The following CDH2 variants were observed in gnomAD, a reference collection of about 807,000 sequenced individuals.
CDH2 encodes the protein cadherin 2.
In CDH2, 17 loss-of-function variants were observed where a neutral mutation model predicts 92.0. The observed-to-expected ratio is 0.18, with a 90% CI of 0.13 to 0.28. CDH2 has a LOEUF of 0.28. Ranked by LOEUF, CDH2 falls within the 10% of genes least tolerant of loss-of-function variation. CDH2 has a pLI of 1.00. For missense variants in CDH2, 862 were observed against 1,133.1 expected (o/e 0.76, Z 3.44); for synonymous variants, 419 against 415.9 (o/e 1.01, Z -0.09).
chr18:28,175,721 T>A, intron 1 of CDH2, among the ~76,000 whole-genome samples: 1 of 152,110 alleles, frequency 6.6e-6, no homozygotes, highest in Admixed American at 6.5e-5. Flanking sequence ...AGCAGGCACT[T>A]CCGAGCTGCG....
chr18:27,969,244 T>A (rs2143907384), intron 14 of CDH2, among the ~76,000 whole-genome samples: 1 of 152,298 alleles, frequency 6.6e-6, no homozygotes, highest in African/African-American at 2.4e-5. Context: ...GGACTTTCAG[T>A]ATACAGATGA....
At chr18:28,086,624 A>T (rs2014933206) in intron 2 of CDH2, among the ~76,000 whole-genome samples, 1 of 152,156 alleles carries the variant, frequency 6.6e-6, no homozygotes, top group Non-Finnish European at 1.5e-5. Flanking sequence ...ATGAATCTGG[A>T]CAATTACAAA....
chr18:28,176,839 G>T (rs529519205), intron 1 of CDH2, 124 bp downstream of exon 1: 31 of 360,738 alleles, frequency 8.6e-5, no homozygotes, highest in Non-Finnish European at 1.2e-4. Flanking sequence ...GCGCGGCGCG[G>T]CGCGGCGTGG....
In CDH2 at chr18:28,035,547, GTTTAAC is replaced by G. The variant is rs1356684452; in HGVS notation, c.173-21644_173-21639del. On this transcript the variant is annotated intron_variant, in intron 2 of 15. Coordinates refer to ENST00000269141, the MANE Select transcript of CDH2 (RefSeq NM_001792.5). ...TTTAAGGATGACTCATATTCATCTT[GTTTAAC>G]TTTATTTTTAGGAAAATTTACTAAG... 2.0e-5 allele frequency among the ~76,000 whole-genome samples: 3 copies of G among 152,064 alleles called. No individual in the cohort carries two copies. In the East Asian group the frequency reaches 5.8e-4, roughly 29 times the overall value.
intron 9 of CDH2, among the ~76,000 whole-genome samples, chr18:27,991,381 T>C (rs2012410206): frequency 6.6e-6 from 1 of 152,152 alleles, no homozygotes. Context: ...ACACATCTTT[T>C]TTTCTCTCTA....
intron 2 of CDH2, among the ~76,000 whole-genome samples, chr18:28,057,408 G>A (rs1454411363): frequency 6.6e-6 from 1 of 152,194 alleles, no homozygotes; most frequent in East Asian, 1.9e-4. Flanking sequence ...GCTCACGCCT[G>A]TAATCCCAAC....
At chr18:28,110,964 G>A (rs1000768184) in intron 2 of CDH2, among the ~76,000 whole-genome samples, 1 of 152,080 alleles carries the variant, frequency 6.6e-6, no homozygotes, top group African/African-American at 2.4e-5. Context: ...GCTAAATGAG[G>A]TTAGCATGAG....
Position 28,090,822 on chromosome 18 carries a change from T to C in CDH2, c.172+56851A>G, listed in dbSNP as rs376982750. On this transcript the variant is annotated intron_variant, in intron 2 of 15. Coordinates refer to ENST00000269141, the MANE Select transcript of CDH2 (RefSeq NM_001792.5). ...CCAGAAGCCAGTATAATATTTCTAA[T>C]ACAACATGTATCTTACTGGTTTGGG... Among the ~76,000 whole-genome samples, 23 of 152,360 alleles carry C rather than the reference T, an allele frequency of 1.5e-4. No individual in the cohort carries two copies. The East Asian group carries it at 1.5e-3, about 10-fold the overall frequency.
intron 6 of CDH2, among the ~76,000 whole-genome samples, chr18:27,944,754 T>TA (rs869217652): frequency 0.54 from 44,723 of 83,250 alleles, 10,738 homozygotes; most frequent in Middle Eastern, 0.65. Context: ...ACTTCCTTTC[T>TA]AAAAAAAAAA....
At chr18:28,166,149 C>CATATATATATATATATAAATATATAT (rs1555648243) in intron 1 of CDH2, among the ~76,000 whole-genome samples, 4 of 59,292 alleles carry the variant, frequency 6.7e-5, no homozygotes, top group African/African-American at 3.0e-4. Flanking sequence ...CAGACACACT[C>CATATATATATATATATAAATATATAT]ATATATATAT....
At chr18:28,123,137 A>C (rs1277948680) in intron 2 of CDH2, among the ~76,000 whole-genome samples, 1 of 152,164 alleles carries the variant, frequency 6.6e-6, no homozygotes, top group African/African-American at 2.4e-5. Flanking sequence ...ATACTACTCC[A>C]AATATATAAA....
At position 28,011,972 on chromosome 18, in the gene CDH2, T is replaced by C. The variant is rs1490510931; in HGVS notation, c.420A>G (p.Glu140=). 3 of 1,613,818 alleles carry C rather than the reference T, an allele frequency of 1.9e-6. No individual in the cohort carries two copies. Among genetic ancestry groups the C allele is most frequent in the African/African-American group, 1.3e-5 (1 of 75,016 alleles). ...TACTGAATTGTCTTGGGAACACTAT[T>C]TCTTCAACTTCTGCTGACTCCTTTA... ...ESVKESAEVE[E]IVFPRQFSKH... The change falls in exon 4 of 16, where the codon GAA becomes GAG. Residue 140 remains glutamate (E), a synonymous_variant. Transcript: ENST00000269141.
intron 2 of CDH2, among the ~76,000 whole-genome samples, chr18:28,046,815 C>T (rs887060330): frequency 6.6e-6 from 1 of 152,086 alleles, no homozygotes; most frequent in Non-Finnish European, 1.5e-5. Flanking sequence ...TTGCTCTGAG[C>T]AAAAACATAA....
At chr18:27,994,140 T>G (rs536594794) in intron 7 of CDH2, among the ~76,000 whole-genome samples, 1 of 152,334 alleles carries the variant, frequency 6.6e-6, no homozygotes, top group African/African-American at 2.4e-5. Flanking sequence ...AGATGCAATA[T>G]TTCCCCTTAA....
chr18:28,061,082 G>C (rs557057036), intron 2 of CDH2, among the ~76,000 whole-genome samples: 2 of 151,962 alleles, frequency 1.3e-5, no homozygotes, highest in East Asian at 3.9e-4. Context: ...ATCCCACTAA[G>C]GTTGTACTAT....
chr18:27,972,457 C>T (rs534740892), intron 14 of CDH2, among the ~76,000 whole-genome samples: 4 of 152,232 alleles, frequency 2.6e-5, no homozygotes, highest in Admixed American at 6.5e-5. Flanking sequence ...GGTTTGAAAA[C>T]GGACTAACAG....
intron 14 of CDH2, among the ~76,000 whole-genome samples, chr18:27,964,524 T>C (rs978461114): frequency 1.3e-5 from 2 of 152,222 alleles, no homozygotes; most frequent in Non-Finnish European, 2.9e-5. Context: ...AGCATAGATG[T>C]AGTTATGCTT....
Position 27,992,641 on chromosome 18 carries a change from C to A in CDH2, c.1344+14G>T. ...GCAGCTGTTGGAGAGATCAGTGGCC[C>A]GAGGAACACTTACTTTGACCACGGT... On this transcript the variant is annotated intron_variant, in intron 9 of 15. Coordinates refer to ENST00000269141, the MANE Select transcript of CDH2 (RefSeq NM_001792.5). 6.2e-7 allele frequency: 1 copy of A among 1,601,544 alleles called. No individual in the cohort carries two copies. The highest frequency in any genetic ancestry group is 1.9e-4 in the Middle Eastern group (1 of 5,316).
chr18:28,048,043 T>C (rs1027892506), intron 2 of CDH2, among the ~76,000 whole-genome samples: 2 of 151,938 alleles, frequency 1.3e-5, no homozygotes, highest in African/African-American at 4.8e-5. Flanking sequence ...TTTGAAATTA[T>C]GGGCAGAGAT....
Sources: allele counts gnomAD v4.1 joint callset (sites outside exome capture counted in the v4.1 genomes callset), GRCh38; gene constraint gnomAD v4.1.1; transcripts MANE v1.5; gene names NCBI Gene and HGNC (gene_info 2026-07-23, HGNC 2026-07-21).